The following ADAM22 variants were observed in gnomAD, a reference collection of about 807,000 sequenced individuals.
The protein encoded by ADAM22 is disintegrin and metalloproteinase domain-containing protein 22.
ADAM22 carries 65 observed loss-of-function variants against 144.6 expected under a neutral mutation model. That is an observed-to-expected ratio of 0.45 (90% CI 0.37 to 0.55). ADAM22 has a LOEUF of 0.55. Ranked by LOEUF, ADAM22 falls within the 20% of genes least tolerant of loss-of-function variation. The pLI is 0.00. For missense variants in ADAM22, 974 were observed against 1,184.9 expected (o/e 0.82, Z 2.61); for synonymous variants, 391 against 412.6 (o/e 0.95, Z 0.63).
chr7:88,049,408 G>T, intron 3 of ADAM22, among the ~76,000 whole-genome samples: 1 of 150,936 alleles, frequency 6.6e-6, no homozygotes, highest in East Asian at 1.9e-4. Flanking sequence ...GTTTGTTTTT[G>T]AGATGGAGTT....
At chr7:88,097,465 C>T (rs1341923075) in intron 4 of ADAM22, among the ~76,000 whole-genome samples, 1 of 151,662 alleles carries the variant, frequency 6.6e-6, no homozygotes, top group Non-Finnish European at 1.5e-5. Context: ...AATCTTTTAG[C>T]GGCCAGAAAT....
chr7:88,121,729 C>T (rs1829355245), intron 7 of ADAM22, among the ~76,000 whole-genome samples: 1 of 152,134 alleles, frequency 6.6e-6, no homozygotes, highest in Non-Finnish European at 1.5e-5. Context: ...GAGAATGAGA[C>T]AGTATGCCTA....
chr7:88,115,324 A>G, intron 6 of ADAM22, among the ~76,000 whole-genome samples: 1 of 152,218 alleles, frequency 6.6e-6, no homozygotes, highest in East Asian at 1.9e-4. Flanking sequence ...TTTCCATCTC[A>G]ACCCTAATGT....
chr7:88,008,578 T>G (rs1030344302), intron 3 of ADAM22, among the ~76,000 whole-genome samples: 2 of 151,554 alleles, frequency 1.3e-5, no homozygotes, highest in African/African-American at 4.8e-5. Context: ...CCATAAAAAA[T>G]GATGAGTTCA....
rs1316197202 is a variant in ADAM22 at position 88,082,146 on chromosome 7, C to T, written c.390+6454C>T. On this transcript the variant is annotated intron_variant, in intron 4 of 31. Coordinates refer to ENST00000413139, the MANE Select transcript of ADAM22 (RefSeq NM_001324418.2). ...ACTGGTACCAAAACAGACATATAGA[C>T]CAATGGAACAGAACAGAGCCCTCAG... 7.2e-5 allele frequency among the ~76,000 whole-genome samples: 11 copies of T among 152,152 alleles called. No individual in the cohort carries two copies. The East Asian group carries it at 2.1e-3, about 29-fold the overall frequency.
chr7:88,052,235 C>T (rs925946955), intron 3 of ADAM22, among the ~76,000 whole-genome samples: 2 of 151,580 alleles, frequency 1.3e-5, no homozygotes, highest in East Asian at 1.9e-4. Context: ...CGGTGGCTCA[C>T]GCCTGTAATC....
chr7:88,041,739 T>G (rs1338620068), intron 3 of ADAM22, among the ~76,000 whole-genome samples: 3 of 152,038 alleles, frequency 2.0e-5, no homozygotes, highest in Admixed American at 1.3e-4. Context: ...TTCCTCTGTC[T>G]TCCCAGATAA....
intron 3 of ADAM22, among the ~76,000 whole-genome samples, chr7:88,041,860 G>A (rs943473837): frequency 5.3e-5 from 8 of 151,992 alleles, no homozygotes; most frequent in Non-Finnish European, 8.8e-5. Context: ...TGTGAGCCAA[G>A]CCACATTTTG....
intron 3 of ADAM22, among the ~76,000 whole-genome samples, chr7:88,071,408 T>A (rs1395068236): frequency 6.6e-6 from 1 of 151,686 alleles, no homozygotes; most frequent in Non-Finnish European, 1.5e-5. Context: ...TTTTTTTTTT[T>A]TTTTTAGTGT....
In ADAM22 at chr7:88,139,418, CTAAATAAATAAA is replaced by C. The variant is rs35764191; in HGVS notation, c.1220+3416_1220+3427del. On this transcript the variant is annotated intron_variant, in intron 14 of 31. Coordinates refer to ENST00000413139, the MANE Select transcript of ADAM22 (RefSeq NM_001324418.2). ...GGGTGACAAGAGTGAGACTCCATCTCTAAATAAATAAATAAATAAATAAATAAATAAATAAAT... is the reference window on the plus strand; with the variant it reads ...GGGTGACAAGAGTGAGACTCCATCTCTAAATAAATAAATAAATAAATAAAT... Among the ~76,000 whole-genome samples, 281 of 146,262 alleles carry C rather than the reference CTAAATAAATAAA, an allele frequency of 1.9e-3. 1 individual carries two copies. The highest frequency in any genetic ancestry group is 2.3e-3 in the Non-Finnish European group (152 of 66,830).
intron 15 of ADAM22, among the ~76,000 whole-genome samples, chr7:88,143,777 T>A (rs919505040): frequency 5.9e-5 from 9 of 152,250 alleles, no homozygotes; most frequent in African/African-American, 2.2e-4. Context: ...CACAGGGATA[T>A]GCACCATTGC....
intron 3 of ADAM22, among the ~76,000 whole-genome samples, chr7:88,050,499 AAAG>A (rs1282358333): frequency 0.011 from 1,694 of 151,286 alleles, 30 homozygotes; most frequent in African/African-American, 0.039. Flanking sequence ...AAAAAAAAAA[AAAG>A]AAAGAAATTA....
At chr7:88,008,699 A>G (rs1238613293) in intron 3 of ADAM22, among the ~76,000 whole-genome samples, 2 of 152,094 alleles carry the variant, frequency 1.3e-5, no homozygotes, top group South Asian at 2.1e-4. Flanking sequence ...GAATTGAACA[A>G]TGAGAACACA....
At position 88,154,142 on chromosome 7, in the gene ADAM22, C is replaced by T. The variant is rs776071784; in HGVS notation, c.1787+816C>T. Among the ~76,000 whole-genome samples, 7 of 152,162 alleles carry T rather than the reference C, an allele frequency of 4.6e-5. No homozygotes were observed. In the East Asian group the frequency reaches 5.8e-4, roughly 13 times the overall value. ...GAAACTGAGACACAGTTAATTTGTCCGAAGTCATGTATATGGGATGTAATA... is the reference window on the plus strand; with the variant it reads ...GAAACTGAGACACAGTTAATTTGTCTGAAGTCATGTATATGGGATGTAATA... On this transcript the variant is annotated intron_variant, in intron 21 of 31. Transcript: ENST00000413139.
At chr7:88,103,136 G>C (rs896444745) in intron 4 of ADAM22, among the ~76,000 whole-genome samples, 1 of 152,126 alleles carries the variant, frequency 6.6e-6, no homozygotes, top group Non-Finnish European at 1.5e-5. Context: ...AATTTGAGAA[G>C]GCTATTTGGA....
In ADAM22 at chr7:88,199,396, A is replaced by C. The variant is rs766940773; in HGVS notation, c.*2905A>C. The C allele has an allele frequency of 6.6e-6, 1 of 152,192 alleles. No individual in the cohort carries two copies. Among genetic ancestry groups the C allele is most frequent in the Non-Finnish European group, 1.5e-5 (1 of 68,032 alleles). The allele number at this position is 152,192 out of a possible 1,614,324, so 9.4% of individuals were successfully genotyped here. ...AGTTCCATTTATCCATAGTCATTGC[A>C]GTGCAGTAAACCCTGATTTAAAGGA... On this transcript the variant is annotated 3_prime_UTR_variant, in exon 32 of 32. Transcript: ENST00000413139.
chr7:88,081,076 A>G (rs1816448664), intron 4 of ADAM22, among the ~76,000 whole-genome samples: 1 of 152,254 alleles, frequency 6.6e-6, no homozygotes, highest in East Asian at 1.9e-4. Context: ...ACGAACATTG[A>G]TGCAAAAATC....
chr7:88,009,998 C>G (rs1016313344), intron 3 of ADAM22, among the ~76,000 whole-genome samples: 1 of 151,640 alleles, frequency 6.6e-6, no homozygotes, highest in African/African-American at 2.4e-5. Flanking sequence ...ATGTCTACAA[C>G]CATTCCAACC....
intron 2 of ADAM22, among the ~76,000 whole-genome samples, chr7:87,945,502 C>A (rs958875948): frequency 6.6e-6 from 1 of 150,378 alleles, no homozygotes; most frequent in African/African-American, 2.4e-5. Context: ...CCAATTATTT[C>A]TTTTCTTTTC....
Sources: gnomAD v4.1 joint callset for allele counts (sites outside exome capture counted in the v4.1 genomes callset) on GRCh38, gnomAD v4.1.1 for gene constraint, MANE v1.5 for transcripts, NCBI Gene and HGNC (gene_info 2026-07-23, HGNC 2026-07-21) for gene names.